Variants in KAZN observed in about 807,000 individuals in gnomAD.
KAZN encodes kazrin, periplakin interacting protein.
In KAZN, 40 loss-of-function variants were observed where a neutral mutation model predicts 87.4. The observed-to-expected ratio is 0.46, with a 90% CI of 0.36 to 0.60. KAZN has a LOEUF of 0.60. Ranked by LOEUF, KAZN falls within the 20% of genes least tolerant of loss-of-function variation. The pLI, the probability that KAZN is intolerant of heterozygous loss-of-function variation, is 0.00. For missense variants in KAZN, 898 were observed against 1,073.9 expected (o/e 0.84, Z 2.29); for synonymous variants, 466 against 458.3 (o/e 1.02, Z -0.22).
intron 1 of KAZN, among the ~76,000 whole-genome samples, chr1:14,009,475 T>A (rs1372967358): frequency 6.6e-6 from 1 of 152,218 alleles, no homozygotes; most frequent in Non-Finnish European, 1.5e-5. Context: ...TCATCAACAC[T>A]TGTTTTCTGT....
chr1:14,544,337 TCTTTCTTTC>T (rs1672993831), intron 2 of KAZN, among the ~76,000 whole-genome samples: 1 of 124,526 alleles, frequency 8.0e-6, no homozygotes. Flanking sequence ...TTTTTCTTTT[TCTTTCTTTC>T]TTTCTTTTTT....
intron 1 of KAZN, among the ~76,000 whole-genome samples, chr1:14,134,339 A>T (rs1465035888): frequency 2.0e-5 from 3 of 152,228 alleles, no homozygotes; most frequent in African/African-American, 4.8e-5. Flanking sequence ...TCCTCCCTAG[A>T]TGTTGAAACA....
intron 1 of KAZN, among the ~76,000 whole-genome samples, chr1:14,714,818 A>T (rs1642701563): frequency 1.6e-5 from 2 of 123,972 alleles, no homozygotes; most frequent in Admixed American, 8.8e-5. Flanking sequence ...TTTTTGAGAC[A>T]GGTTCTTGCT....
chr1:14,078,191 G>A (rs1405332155), intron 1 of KAZN, among the ~76,000 whole-genome samples: 1 of 152,148 alleles, frequency 6.6e-6, no homozygotes, highest in Non-Finnish European at 1.5e-5. Flanking sequence ...TGGCACTGAT[G>A]AGCTGATGTA....
chr1:15,009,227 G>C (rs1361874485), intron 2 of KAZN, among the ~76,000 whole-genome samples: 1 of 152,228 alleles, frequency 6.6e-6, no homozygotes, highest in Non-Finnish European at 1.5e-5. Flanking sequence ...CCCAGGGTTA[G>C]AGCCTGGGAT....
At chr1:14,863,605 G>C (rs565687455) in intron 1 of KAZN, among the ~76,000 whole-genome samples, 1 of 152,244 alleles carries the variant, frequency 6.6e-6, no homozygotes, top group East Asian at 1.9e-4. Context: ...CTAACCTTAG[G>C]GGCTGTAGCA....
intron 2 of KAZN, among the ~76,000 whole-genome samples, chr1:14,517,511 G>A (rs766064726): frequency 3.3e-5 from 5 of 152,206 alleles, no homozygotes; most frequent in Non-Finnish European, 7.3e-5. Context: ...AAAGGTTAAT[G>A]CAGAAATCAA....
chr1:14,659,103 C>T (rs1226460277), intron 1 of KAZN, among the ~76,000 whole-genome samples: 2 of 152,010 alleles, frequency 1.3e-5, no homozygotes, highest in South Asian at 2.1e-4. Flanking sequence ...CTGGGCATGG[C>T]GGTGCACATC....
At chr1:14,607,762 T>C (rs184920650) in intron 1 of KAZN, among the ~76,000 whole-genome samples, 1 of 152,080 alleles carries the variant, frequency 6.6e-6, no homozygotes, top group Non-Finnish European at 1.5e-5. Flanking sequence ...AAGGGAACAG[T>C]GGACCCCAGA....
intron 2 of KAZN, among the ~76,000 whole-genome samples, chr1:14,517,428 C>G (rs1671354698): frequency 6.6e-6 from 1 of 152,094 alleles, no homozygotes; most frequent in Non-Finnish European, 1.5e-5. Flanking sequence ...TAAATCTGCC[C>G]CTGGACTTTC....
At chr1:14,861,998 G>A (rs1650912210) in intron 1 of KAZN, among the ~76,000 whole-genome samples, 1 of 152,190 alleles carries the variant, frequency 6.6e-6, no homozygotes, top group African/African-American at 2.4e-5. Flanking sequence ...GGACTTTCCA[G>A]TTAGGTGAGC....
intron 1 of KAZN, among the ~76,000 whole-genome samples, chr1:14,900,146 T>A (rs962593654): frequency 1.3e-5 from 2 of 152,080 alleles, no homozygotes; most frequent in Non-Finnish European, 2.9e-5. Flanking sequence ...GACATGGGGT[T>A]TGTGAAGATG....
rs567121231 is a variant in KAZN at position 14,790,993 on chromosome 1, C to T, written c.227-169691C>T. Reference sequence around the variant, plus strand: ...AGGTGTGAGCCACCGCACCGGCCCCCGCTGGCTTCCAAGGGAGGGCAGGCT... The same window carrying T: ...AGGTGTGAGCCACCGCACCGGCCCCTGCTGGCTTCCAAGGGAGGGCAGGCT... On this transcript the variant is annotated intron_variant, in intron 1 of 14. Coordinates refer to ENST00000376030, the MANE Select transcript of KAZN (RefSeq NM_201628.3). 5.9e-5 allele frequency among the ~76,000 whole-genome samples: 9 copies of T among 152,148 alleles called. No individual in the cohort carries two copies. In the South Asian group the frequency reaches 6.2e-4, roughly 10 times the overall value.
chr1:14,968,742 A>G (rs1664721429), intron 2 of KAZN, among the ~76,000 whole-genome samples: 1 of 152,192 alleles, frequency 6.6e-6, no homozygotes, highest in African/African-American at 2.4e-5. Context: ...TTTCCCTGCC[A>G]CAGAGTGAGT....
chr1:15,110,549 T>TTGTTTGTG (rs1553192057), intron 13 of KAZN, among the ~76,000 whole-genome samples: 3 of 147,964 alleles, frequency 2.0e-5, no homozygotes, highest in Non-Finnish European at 4.5e-5. Flanking sequence ...GCATATGTGT[T>TTGTTTGTG]TGTGTGTGTG....
intron 2 of KAZN, among the ~76,000 whole-genome samples, chr1:14,212,872 C>A (rs969948590): frequency 2.6e-5 from 4 of 152,154 alleles, no homozygotes; most frequent in African/African-American, 9.7e-5. Context: ...TTATGCAATG[C>A]AAATACATGA....
At position 14,196,602 on chromosome 1, in the gene KAZN, G is replaced by C. The variant is rs114423506; in HGVS notation, c.249+16010G>C. On this transcript the variant is annotated intron_variant, in intron 2 of 16. Coordinates refer to the KAZN transcript ENST00000636203. Reference sequence around the variant, plus strand: ...GGAGGGAAGGGAAGGCGAGTGAGAAGATCAAGGGGAGGTGATTAAAGGCAG... The same window carrying C: ...GGAGGGAAGGGAAGGCGAGTGAGAACATCAAGGGGAGGTGATTAAAGGCAG... Among the ~76,000 whole-genome samples the C allele has an allele frequency of 2.2e-3, 338 of 152,192 alleles. 2 individuals carry two copies. The highest frequency in any genetic ancestry group is 7.7e-3 in the African/African-American group (320 of 41,544).
chr1:14,511,541 A>G (rs971925945), intron 2 of KAZN, among the ~76,000 whole-genome samples: 1 of 152,232 alleles, frequency 6.6e-6, no homozygotes, highest in Non-Finnish European at 1.5e-5. Flanking sequence ...GCTTTCACAA[A>G]AGCAGAAGAA....
At chr1:14,569,908 C>T (rs777045847) in intron 2 of KAZN, among the ~76,000 whole-genome samples, 34 of 151,528 alleles carry the variant, frequency 2.2e-4, no homozygotes, top group Non-Finnish European at 3.8e-4. Flanking sequence ...GTTAGGAGAT[C>T]GAGACTGTCC....
Sources: allele counts gnomAD v4.1 joint callset (sites outside exome capture counted in the v4.1 genomes callset), GRCh38; gene constraint gnomAD v4.1.1; transcripts MANE v1.5; gene names NCBI Gene and HGNC (gene_info 2026-07-23, HGNC 2026-07-21).